Variants in DPYD observed in about 807,000 individuals in gnomAD.
The protein encoded by DPYD is dihydropyrimidine dehydrogenase.
DPYD carries 109 observed loss-of-function variants against 116.2 expected under a neutral mutation model. That is an observed-to-expected ratio of 0.94 (90% CI 0.80 to 1.10). The LOEUF (loss-of-function observed/expected upper bound fraction) is 1.10. Ranked by LOEUF, DPYD falls within the 50% of genes least tolerant of loss-of-function variation. The pLI, the probability that DPYD is intolerant of heterozygous loss-of-function variation, is 0.00. For missense variants in DPYD, 1,302 were observed against 1,254.5 expected, an observed-to-expected ratio of 1.04 and a Z score of -0.57; for synonymous variants, 440 against 432.0, an observed-to-expected ratio of 1.02 and a Z score of -0.23.
At chr1:97,727,236 TAA>T (rs1159571064) in intron 4 of DPYD, among the ~76,000 whole-genome samples, 1 of 151,678 alleles carries the variant, frequency 6.6e-6, no homozygotes, top group African/African-American at 2.4e-5. Flanking sequence ...TTGTCTAAGA[TAA>T]GAGAGAATCA....
intron 18 of DPYD, among the ~76,000 whole-genome samples, chr1:97,255,492 C>G (rs1349530267): frequency 6.6e-6 from 1 of 151,972 alleles, no homozygotes; most frequent in Non-Finnish European, 1.5e-5. Context: ...AAGAGGAGTT[C>G]CCCTGCACAA....
intron 5 of DPYD, among the ~76,000 whole-genome samples, chr1:97,721,191 A>C (rs1249345047): frequency 6.6e-6 from 1 of 151,796 alleles, no homozygotes; most frequent in Admixed American, 6.6e-5. Context: ...TAGTCTTTTC[A>C]TAAGAGGGTC....
At chr1:97,775,433 C>G (rs536778223) in intron 3 of DPYD, among the ~76,000 whole-genome samples, 3 of 152,210 alleles carry the variant, frequency 2.0e-5, no homozygotes, top group African/African-American at 7.2e-5. Context: ...ATTGGCAGGA[C>G]TTTTCTTAAT....
At chr1:97,698,441 C>T (rs989342752) in intron 6 of DPYD, among the ~76,000 whole-genome samples, 1 of 151,404 alleles carries the variant, frequency 6.6e-6, no homozygotes, top group Non-Finnish European at 1.5e-5. Context: ...TTCACTGGTG[C>T]CAAAAAACAT....
chr1:97,323,721 C>CAT (rs1052396118), intron 16 of DPYD, among the ~76,000 whole-genome samples: 6 of 145,896 alleles, frequency 4.1e-5, no homozygotes, highest in Non-Finnish European at 6.0e-5. Context: ...TACACACACA[C>CAT]ATATATATAC....
At chr1:97,661,331 A>G (rs1659243621) in intron 8 of DPYD, among the ~76,000 whole-genome samples, 1 of 152,148 alleles carries the variant, frequency 6.6e-6, no homozygotes, top group Non-Finnish European at 1.5e-5. Context: ...GTGTATACCA[A>G]TTAGCCTACA....
intron 3 of DPYD, among the ~76,000 whole-genome samples, chr1:97,811,273 C>T (rs140173616): frequency 3.9e-4 from 60 of 152,138 alleles, no homozygotes; most frequent in African/African-American, 1.2e-3. Context: ...ACCTGCCTGC[C>T]CGTTATCCAA....
intron 13 of DPYD, among the ~76,000 whole-genome samples, chr1:97,512,294 C>T (rs1647858328): frequency 6.6e-6 from 1 of 151,758 alleles, no homozygotes; most frequent in South Asian, 2.1e-4. Flanking sequence ...TAAGAGAGAC[C>T]TATTACATGG....
intron 20 of DPYD, among the ~76,000 whole-genome samples, chr1:97,115,938 A>AT (rs1174130866): frequency 1.3e-5 from 2 of 152,102 alleles, no homozygotes; most frequent in South Asian, 2.1e-4. Flanking sequence ...GAGGATATAG[A>AT]TTTTTTTTAT....
Position 97,078,770 on chromosome 1 carries a change from T to C in DPYD, c.*206A>G, listed in dbSNP as rs937052223. 5 of 582,652 alleles carry C rather than the reference T, an allele frequency of 8.6e-6. No individual in the cohort carries two copies. The highest frequency in any genetic ancestry group is 1.5e-5 in the Non-Finnish European group (5 of 334,148). 36.1% of individuals were successfully genotyped at this position (582,652 alleles called of 1,614,324 possible). A position where few individuals can be genotyped will look rare whatever the true frequency, so the allele number is the denominator to read the frequency against. ...TTTAACTACTATCCTCAGAAAAGAATTATTCTATTTTATGACCACTAATTG... is the reference window on the plus strand; with the variant it reads ...TTTAACTACTATCCTCAGAAAAGAACTATTCTATTTTATGACCACTAATTG... On this transcript the variant is annotated 3_prime_UTR_variant, in exon 23 of 23. Coordinates refer to ENST00000370192, the MANE Select transcript of DPYD (RefSeq NM_000110.4).
intron 2 of DPYD, among the ~76,000 whole-genome samples, chr1:97,857,952 C>T (rs1670930386): frequency 6.6e-6 from 1 of 151,818 alleles, no homozygotes; most frequent in African/African-American, 2.4e-5. Flanking sequence ...GTGTATGGGG[C>T]TTCTTGGTCA....
chr1:97,195,672 A>ATGTATGTG (rs1658749428), intron 19 of DPYD, among the ~76,000 whole-genome samples: 3 of 59,756 alleles, frequency 5.0e-5, no homozygotes, highest in African/African-American at 2.3e-4. Context: ...ATATATATAT[A>ATGTATGTG]TATATATATA....
intron 16 of DPYD, among the ~76,000 whole-genome samples, chr1:97,338,789 A>G (rs1257581280): frequency 6.6e-6 from 1 of 152,162 alleles, no homozygotes; most frequent in East Asian, 1.9e-4. Flanking sequence ...ACCAGTGCTC[A>G]AGAAAACCTC....
At chr1:97,300,817 C>G (rs1466440602) in intron 18 of DPYD, among the ~76,000 whole-genome samples, 1 of 152,024 alleles carries the variant, frequency 6.6e-6, no homozygotes. Flanking sequence ...AACACATAAA[C>G]TATGCGATGT....
At chr1:97,397,449 G>A (rs551561543) in intron 14 of DPYD, among the ~76,000 whole-genome samples, 10 of 152,062 alleles carry the variant, frequency 6.6e-5, no homozygotes, top group African/African-American at 1.4e-4. Flanking sequence ...ATAATGACAC[G>A]TATCCATTGT....
intron 14 of DPYD, among the ~76,000 whole-genome samples, chr1:97,426,446 G>A (rs1250546828): frequency 6.6e-6 from 1 of 152,044 alleles, no homozygotes; most frequent in Non-Finnish European, 1.5e-5. Flanking sequence ...AGGAAGAAGA[G>A]AAAGAAATGC....
chr1:97,289,856 T>G (rs151211747), intron 18 of DPYD, among the ~76,000 whole-genome samples: 86,643 of 147,262 alleles, frequency 0.59, 25,792 homozygotes, highest in South Asian at 0.7. Flanking sequence ...GGCAGGAGAA[T>G]GAAATAAAGG....
At chr1:97,146,536 T>C (rs896761725) in intron 20 of DPYD, among the ~76,000 whole-genome samples, 2 of 152,228 alleles carry the variant, frequency 1.3e-5, no homozygotes, top group African/African-American at 4.8e-5. Flanking sequence ...TGTTTGTTTG[T>C]CTGTTCTGTT....
At chr1:97,248,182 G>A (rs906631636) in intron 18 of DPYD, among the ~76,000 whole-genome samples, 3 of 152,200 alleles carry the variant, frequency 2.0e-5, no homozygotes, top group Admixed American at 1.3e-4. Context: ...AAGGTAATTT[G>A]ATATGGTTTG....
Sources: gnomAD v4.1 joint callset for allele counts (sites outside exome capture counted in the v4.1 genomes callset) on GRCh38, gnomAD v4.1.1 for gene constraint, MANE v1.5 for transcripts, NCBI Gene and HGNC (gene_info 2026-07-23, HGNC 2026-07-21) for gene names.